SVEP1: variants seen among roughly 807,000 people sequenced by gnomAD.
SVEP1 encodes sushi, von Willebrand factor type A, EGF and pentraxin domain containing 1, also known as sushi, von Willebrand factor type A, EGF and pentraxin domain-containing protein 1.
SVEP1 carries 164 observed loss-of-function variants against 367.3 expected under a neutral mutation model. The ratio of observed to expected loss-of-function variants is 0.45; its 90% CI spans 0.39 to 0.51. The LOEUF (loss-of-function observed/expected upper bound fraction) is 0.51, where lower values mean the gene tolerates loss of function less well. Among genes scored for constraint, SVEP1 ranks in the 20% least tolerant of loss-of-function variants. SVEP1 has a pLI of 0.00. For synonymous variants in SVEP1, 1,666 were observed against 1,611.6 expected, an observed-to-expected ratio of 1.03 and a Z score of -0.81; for missense variants, 4,117 against 4,425.3, an observed-to-expected ratio of 0.93 and a Z score of 1.98.
intron 18 of SVEP1, among the ~76,000 whole-genome samples, chr9:110,462,266 A>G (rs1828868827): frequency 6.6e-6 from 1 of 152,136 alleles, no homozygotes; most frequent in Non-Finnish European, 1.5e-5. Context: ...TACTAACATT[A>G]AAAATAAATC....
At chr9:110,442,320 T>G (rs942555011) in intron 27 of SVEP1, among the ~76,000 whole-genome samples, 4 of 152,226 alleles carry the variant, frequency 2.6e-5, no homozygotes, top group African/African-American at 9.6e-5. Flanking sequence ...TTCCAGTGCC[T>G]TGCATAGGTG....
At chr9:110,399,941 T>C (rs1228700961) in intron 40 of SVEP1, among the ~76,000 whole-genome samples, 1 of 152,200 alleles carries the variant, frequency 6.6e-6, no homozygotes, top group Non-Finnish European at 1.5e-5. Flanking sequence ...AATTTCAAAT[T>C]TAGTGATACG....
intron 37 of SVEP1, among the ~76,000 whole-genome samples, chr9:110,409,600 C>T (rs1240876434): frequency 6.6e-6 from 1 of 152,012 alleles, no homozygotes; most frequent in African/African-American, 2.4e-5. Flanking sequence ...AAACTTTCTG[C>T]CCAAAGAAAT....
At chr9:110,409,836 T>C (rs1828018743) in intron 37 of SVEP1, among the ~76,000 whole-genome samples, 4 of 152,048 alleles carry the variant, frequency 2.6e-5, no homozygotes, top group Admixed American at 1.3e-4. Flanking sequence ...ACATGTAATA[T>C]AACAGGTCAT....
intron 42 of SVEP1, among the ~76,000 whole-genome samples, chr9:110,386,394 T>C (rs1157039433): frequency 6.6e-6 from 1 of 152,190 alleles, no homozygotes; most frequent in African/African-American, 2.4e-5. Context: ...ATCAGCATTG[T>C]GAAAACAAAA....
chr9:110,545,021 G>A (rs1178834683), intron 3 of SVEP1, among the ~76,000 whole-genome samples: 2 of 152,142 alleles, frequency 1.3e-5, no homozygotes, highest in Non-Finnish European at 2.9e-5. Flanking sequence ...AACATGTGGT[G>A]TTTGTCTTTC....
In SVEP1 at chr9:110,574,740, C is replaced by CT. The variant is rs1564180524; in HGVS notation, c.531+4272dup. 2.2e-3 allele frequency among the ~76,000 whole-genome samples: 232 copies of CT among 106,296 alleles called. 4 individuals are homozygous for CT. The highest frequency in any genetic ancestry group is 5.7e-3 in the African/African-American group (177 of 30,812). The allele number at this position is 106,296 out of a possible 152,430, so 69.7% of individuals were successfully genotyped here. On this transcript the variant is annotated intron_variant, in intron 1 of 47. Transcript: ENST00000374469. ...TAGACAGGGACTGAGTCCAGTCGAC[C>CT]TTCTTTTTTTTTTTTTTTTTTTTTT...
rs181753531 is a variant in SVEP1 at position 110,366,530 on chromosome 9, G to A, written c.*9C>T. The A allele has an allele frequency of 8.9e-5, 138 of 1,554,292 alleles. No homozygotes were observed. The highest frequency in any genetic ancestry group is 4.2e-4 in the African/African-American group (30 of 71,828). The stretch of plus-strand genomic sequence containing the variant: ...CTGCTTTTGGGAGAGCCAGATGGTC[G>A]TGCAGTGGTTAAAACCCAGTCCTCC... On this transcript the variant is annotated 3_prime_UTR_variant, in exon 48 of 48. Coordinates refer to ENST00000374469, the MANE Select transcript of SVEP1 (RefSeq NM_153366.4).
intron 27 of SVEP1, among the ~76,000 whole-genome samples, chr9:110,438,143 G>A (rs1036156458): frequency 3.4e-5 from 5 of 148,148 alleles, no homozygotes; most frequent in Admixed American, 2.7e-4. Context: ...CATCTTGAAC[G>A]CGTTCTCATT....
intron 40 of SVEP1, among the ~76,000 whole-genome samples, chr9:110,393,721 G>A (rs1460568998): frequency 6.6e-6 from 1 of 152,216 alleles, no homozygotes; most frequent in Non-Finnish European, 1.5e-5. Context: ...TCCCGCACCT[G>A]GCTCAGAGGG....
chr9:110,530,361 C>T (rs1830001597), intron 3 of SVEP1, among the ~76,000 whole-genome samples: 2 of 152,052 alleles, frequency 1.3e-5, no homozygotes, highest in African/African-American at 4.8e-5. Flanking sequence ...CAGAGACATG[C>T]TTGGTTGGAC....
chr9:110,407,521 C>A lies in SVEP1; in HGVS notation c.8079G>T (p.Gly2693=). The A allele has an allele frequency of 6.2e-7, 1 of 1,613,934 alleles. No individual in the cohort carries two copies. Among genetic ancestry groups the A allele is most frequent in the Non-Finnish European group, 8.5e-7 (1 of 1,179,882 alleles). Residue 2693 remains glycine (G), a synonymous_variant, in exon 38 of 48, where the codon GGG becomes GGT. Coordinates refer to ENST00000374469, the MANE Select transcript of SVEP1 (RefSeq NM_153366.4). ...YTCNPGYELL[G]NPVLICQEDG... Reference sequence around the variant, plus strand: ...CTTCCTGGCAGATCAGCACAGGGTTCCCCAGAAGTTCATATCCTGGATTAC... The same window carrying A: ...CTTCCTGGCAGATCAGCACAGGGTTACCCAGAAGTTCATATCCTGGATTAC...
intron 8 of SVEP1, among the ~76,000 whole-genome samples, chr9:110,490,422 G>A (rs1274824015): frequency 2.0e-5 from 3 of 152,040 alleles, no homozygotes; most frequent in African/African-American, 7.2e-5. Flanking sequence ...GTAAGACAAG[G>A]TCTTATGACT....
chr9:110,429,856 G>A (rs1828323355), intron 34 of SVEP1, 64 bp downstream of exon 34: 1 of 1,383,978 alleles, frequency 7.2e-7, no homozygotes, highest in Non-Finnish European at 1.0e-6. Context: ...TTCTTTCAGT[G>A]TTATATCACT....
At chr9:110,369,052 C>T (rs1003989982) in intron 47 of SVEP1, among the ~76,000 whole-genome samples, 7 of 152,010 alleles carry the variant, frequency 4.6e-5, no homozygotes, top group African/African-American at 1.7e-4. Flanking sequence ...TTAATGAGTC[C>T]TATATGGTAG....
intron 46 of SVEP1, among the ~76,000 whole-genome samples, chr9:110,371,771 ACTCTTT>A (rs1335468664): frequency 4.6e-5 from 7 of 152,044 alleles, no homozygotes; most frequent in African/African-American, 1.7e-4. Context: ...GTTGATTCTT[ACTCTTT>A]AACTGTCTCT....
chr9:110,516,313 A>G (rs909111131), intron 3 of SVEP1, among the ~76,000 whole-genome samples: 8 of 151,846 alleles, frequency 5.3e-5, no homozygotes, highest in Admixed American at 5.2e-4. Flanking sequence ...TTGAAAAGCC[A>G]TGCTTCTAAA....
At position 110,579,187 on chromosome 9, in the gene SVEP1, G is replaced by A. The variant is rs1431154052; in HGVS notation, c.357C>T (p.Ala119=). 1 of 1,569,348 alleles carries A rather than the reference G, an allele frequency of 6.4e-7. No homozygotes were observed. Among genetic ancestry groups the A allele is most frequent in the South Asian group, 1.2e-5 (1 of 85,254 alleles). The change falls in exon 1 of 48, where the codon GCC becomes GCT. Residue 119 remains alanine, a synonymous_variant. Transcript: ENST00000374469. The surrounding 1 kb of genome is among the most constrained non-coding windows in gnomAD (Gnocchi z 5.3). ...LLSDFPVVPT[A]TRVAIVTFSS... The stretch of plus-strand genomic sequence containing the variant: ...AGAAGGTCACGATGGCCACGCGCGT[G>A]GCCGTGGGCACCACGGGGAAGTCGG...
At chr9:110,434,681 A>AAAAAAAAAAAAAAAAAC (rs1402793795) in intron 29 of SVEP1, among the ~76,000 whole-genome samples, 175 bp from the exon 30 acceptor site, 1 of 150,432 alleles carries the variant, frequency 6.6e-6, no homozygotes, top group African/African-American at 2.4e-5. Flanking sequence ...AAAAAAAAAA[A>AAAAAAAAAAAAAAAAAC]AAAAAGCATT....
Sources: allele counts gnomAD v4.1 joint callset (sites outside exome capture counted in the v4.1 genomes callset), GRCh38; gene constraint gnomAD v4.1.1; non-coding constraint Gnocchi (gnomAD v3.1); transcripts MANE v1.5; gene names NCBI Gene and HGNC (gene_info 2026-07-23, HGNC 2026-07-21).